Variants in CCSER1 observed in about 807,000 individuals in gnomAD.
CCSER1 encodes serine-rich coiled-coil domain-containing protein 1.
Under a neutral mutation model 82.0 loss-of-function variants are expected in CCSER1, and 41 were observed. The observed-to-expected ratio is 0.50, with a 90% CI of 0.39 to 0.65. The LOEUF (loss-of-function observed/expected upper bound fraction) is 0.65, where lower values mean the gene tolerates loss of function less well. Ranked by LOEUF, CCSER1 falls within the 30% of genes least tolerant of loss-of-function variation. CCSER1 has a pLI of 0.00. For synonymous variants in CCSER1, 414 were observed against 383.9 expected, an observed-to-expected ratio of 1.08 and a Z score of -0.92; for missense variants, 1,119 against 1,064.2, an observed-to-expected ratio of 1.05 and a Z score of -0.72.
intron 1 of CCSER1, among the ~76,000 whole-genome samples, chr4:90,222,460 A>G (rs7657216): frequency 0.016 from 2,397 of 152,216 alleles, 34 homozygotes; most frequent in African/African-American, 0.041. Flanking sequence ...TTTAAAGGCA[A>G]GTTTGGGCTT....
In CCSER1 at chr4:90,934,694, G is replaced by A. The variant is rs375719978; in HGVS notation, c.2172+11247G>A. Among the ~76,000 whole-genome samples, 16 of 152,306 alleles carry A rather than the reference G, an allele frequency of 1.1e-4. No individual in the cohort carries two copies. The East Asian group carries it at 2.5e-3, about 24-fold the overall frequency. ...TGCCTGTAATCCCAGCACTTTGGGAGGCCAAGGCGGGTGGATCAGGTGAGG... is the reference window on the plus strand; with the variant it reads ...TGCCTGTAATCCCAGCACTTTGGGAAGCCAAGGCGGGTGGATCAGGTGAGG... On this transcript the variant is annotated intron_variant, in intron 9 of 10. Coordinates refer to ENST00000509176, the MANE Select transcript of CCSER1 (RefSeq NM_001145065.2).
At chr4:90,640,288 AT>A (rs914478593) in intron 6 of CCSER1, among the ~76,000 whole-genome samples, 36 of 152,212 alleles carry the variant, frequency 2.4e-4, no homozygotes, top group Admixed American at 2.2e-3. Context: ...CCTTTATGGC[AT>A]TGGTCTATGA....
chr4:91,546,445 T>G (rs556228118), intron 10 of CCSER1, among the ~76,000 whole-genome samples: 1 of 152,120 alleles, frequency 6.6e-6, no homozygotes, highest in Non-Finnish European at 1.5e-5. Context: ...CCTTTTCAGA[T>G]TATCTATTTT....
At position 90,650,835 on chromosome 4, in the gene CCSER1, A is replaced by G. The variant is rs147912351; in HGVS notation, c.1932+22603A>G. ...ACCTCAACTTTTCTTCTCCATTTCT[A>G]TAACCAATGCTCTAGTCTAAAATTG... is the stretch of plus-strand genomic sequence containing the variant. On this transcript the variant is annotated intron_variant, in intron 6 of 10. Coordinates refer to ENST00000509176, the MANE Select transcript of CCSER1 (RefSeq NM_001145065.2). Among the ~76,000 whole-genome samples the G allele has an allele frequency of 4.2e-3, 635 of 152,278 alleles. 6 individuals are homozygous for G. Among genetic ancestry groups the G allele is most frequent in the African/African-American group, 0.015 (613 of 41,558 alleles).
At chr4:91,502,605 G>A (rs74876777) in intron 10 of CCSER1, among the ~76,000 whole-genome samples, 2,460 of 152,246 alleles carry the variant, frequency 0.016, 33 homozygotes, top group African/African-American at 0.039. Context: ...TCTTCTAACT[G>A]CAGCAGGTCT....
chr4:91,463,912 C>T (rs544218150), intron 10 of CCSER1, among the ~76,000 whole-genome samples: 67 of 152,268 alleles, frequency 4.4e-4, no homozygotes, highest in African/African-American at 1.6e-3. Context: ...AGAATGGAAC[C>T]AAGTTGGCAA....
chr4:91,162,844 G>C (rs377753593), intron 10 of CCSER1, among the ~76,000 whole-genome samples: 1 of 152,092 alleles, frequency 6.6e-6, no homozygotes, highest in South Asian at 2.1e-4. Context: ...AGTCTGGCTA[G>C]TGGACTATCA....
chr4:90,769,381 T>A (rs1018674387), intron 7 of CCSER1, among the ~76,000 whole-genome samples: 1 of 152,120 alleles, frequency 6.6e-6, no homozygotes, highest in African/African-American at 2.4e-5. Context: ...ATTATGCTGA[T>A]AGGGAGTAGA....
intron 6 of CCSER1, among the ~76,000 whole-genome samples, chr4:90,640,931 A>C (rs1168293775): frequency 1.3e-5 from 2 of 152,108 alleles, no homozygotes; most frequent in African/African-American, 4.8e-5. Flanking sequence ...ATGAAAACAG[A>C]CTAATGCAAG....
chr4:90,176,515 A>T (rs1175805565), intron 1 of CCSER1, among the ~76,000 whole-genome samples: 1 of 152,020 alleles, frequency 6.6e-6, no homozygotes, highest in African/African-American at 2.4e-5. Flanking sequence ...AACAAAGTGC[A>T]CAGAGAAAAG....
intron 6 of CCSER1, among the ~76,000 whole-genome samples, chr4:90,682,098 T>C (rs1298372669): frequency 6.6e-6 from 1 of 151,996 alleles, no homozygotes. Flanking sequence ...CCTACCACTT[T>C]TGATGTCCTA....
chr4:91,356,249 T>G (rs368792497), intron 10 of CCSER1, among the ~76,000 whole-genome samples: 98 of 152,310 alleles, frequency 6.4e-4, no homozygotes, highest in Middle Eastern at 3.4e-3. Flanking sequence ...ACACATAGAG[T>G]GTAAAGAGTT....
At chr4:90,137,859 C>G (rs1269223946) in intron 1 of CCSER1, among the ~76,000 whole-genome samples, 1 of 152,186 alleles carries the variant, frequency 6.6e-6, no homozygotes, top group Non-Finnish European at 1.5e-5. Context: ...AGTTACTAAC[C>G]TTCCATCATT....
chr4:91,340,739 C>T (rs887549847), intron 10 of CCSER1, among the ~76,000 whole-genome samples: 1 of 152,022 alleles, frequency 6.6e-6, no homozygotes, highest in African/African-American at 2.4e-5. Context: ...GTTTGGACTT[C>T]TTTTTGTGAT....
At chr4:91,095,754 G>A (rs923243975) in intron 10 of CCSER1, among the ~76,000 whole-genome samples, 9 of 152,038 alleles carry the variant, frequency 5.9e-5, no homozygotes, top group Admixed American at 1.3e-4. Context: ...GGCCTTCTGA[G>A]CCCCTTTTTT....
intron 5 of CCSER1, among the ~76,000 whole-genome samples, chr4:90,517,926 C>A (rs930691601): frequency 6.6e-6 from 1 of 151,870 alleles, no homozygotes; most frequent in Non-Finnish European, 1.5e-5. Flanking sequence ...TTTCATGACA[C>A]CAGGTTGTCT....
chr4:91,123,788 A>C (rs934002441), intron 10 of CCSER1, among the ~76,000 whole-genome samples: 1 of 151,790 alleles, frequency 6.6e-6, no homozygotes. Context: ...ATTTACAAGA[A>C]AAAGAATAAT....
At chr4:90,603,722 G>A (rs11722213) in intron 5 of CCSER1, among the ~76,000 whole-genome samples, 9,433 of 152,198 alleles carry the variant, frequency 0.062, 382 homozygotes, top group East Asian at 0.17. Context: ...CTCACAGTGC[G>A]TGCCTATCAT....
intron 9 of CCSER1, among the ~76,000 whole-genome samples, chr4:90,939,121 A>T (rs925242093): frequency 1.3e-5 from 2 of 152,146 alleles, no homozygotes; most frequent in African/African-American, 4.8e-5. Flanking sequence ...TGTAGATTAG[A>T]TCAGTTTGAA....
Sources: allele counts gnomAD v4.1 joint callset (sites outside exome capture counted in the v4.1 genomes callset), GRCh38; gene constraint gnomAD v4.1.1; transcripts MANE v1.5; gene names NCBI Gene and HGNC (gene_info 2026-07-23, HGNC 2026-07-21).